LITAF: variants seen among roughly 807,000 people sequenced by gnomAD.
The protein encoded by LITAF is lipopolysaccharide-induced tumor necrosis factor-alpha factor.
Under a neutral mutation model 14.5 loss-of-function variants are expected in LITAF, and 9 were observed. The ratio of observed to expected loss-of-function variants is 0.62; its 90% CI spans 0.37 to 1.08. The LOEUF is 1.08. LITAF is among the 50% of genes least tolerant of loss of function. The probability of loss-of-function intolerance (pLI) is 0.01; values close to 1 mark genes in which losing one functional copy is unlikely to be tolerated. For synonymous variants in LITAF, 98 were observed against 88.2 expected, an observed-to-expected ratio of 1.11 and a Z score of -0.62; for missense variants, 206 against 213.4, an observed-to-expected ratio of 0.97 and a Z score of 0.22.
chr16:11,618,423 C>T (rs745516633), intron 3 of LITAF, among the ~76,000 whole-genome samples: 3 of 152,180 alleles, frequency 2.0e-5, no homozygotes, highest in Admixed American at 2.0e-4. Flanking sequence ...GGGAGCAGTC[C>T]TGTGGGACTG....
chr16:11,629,049 T>A (rs1332449418), intron 3 of LITAF: 2 of 152,362 alleles, frequency 1.3e-5, no homozygotes, highest in African/African-American at 4.8e-5. Flanking sequence ...CCTCAAGTAA[T>A]CCTCCCGCCT....
chr16:11,608,827 G>A (rs1284046556), intron 3 of LITAF, among the ~76,000 whole-genome samples: 1 of 152,176 alleles, frequency 6.6e-6, no homozygotes, highest in East Asian at 1.9e-4. Flanking sequence ...GCTGGGCATG[G>A]TGCCGCATGT....
chr16:11,616,359 C>A (rs149699507), intron 3 of LITAF, among the ~76,000 whole-genome samples: 58 of 152,026 alleles, frequency 3.8e-4, no homozygotes, highest in African/African-American at 1.4e-3. Flanking sequence ...TGACTGTGTT[C>A]CCAGCTACTC....
intron 1 of LITAF, among the ~76,000 whole-genome samples, chr16:11,562,213 G>GCC (rs2064378835): frequency 6.7e-6 from 1 of 148,972 alleles, no homozygotes; most frequent in Non-Finnish European, 1.5e-5. Flanking sequence ...GAGCCACCGT[G>GCC]CCCTGCCTCT....
In LITAF at chr16:11,553,310, C is replaced by T; in HGVS notation, c.377+223G>A. On this transcript the variant is annotated intron_variant, in intron 3 of 3. Coordinates refer to ENST00000622633, the MANE Select transcript of LITAF (RefSeq NM_001136472.2). The surrounding 1 kb of genome is among the most constrained non-coding windows in gnomAD (Gnocchi z 7.7). The stretch of plus-strand genomic sequence containing the variant: ...CCTATAATCCCAGCTACACGGGACG[C>T]TAAGGCAGGAGAATCGTTTGAACCT... The T allele has an allele frequency of 1.9e-6, 1 of 539,232 alleles. No homozygotes were observed. The highest frequency in any genetic ancestry group is 1.9e-5 in the South Asian group (1 of 51,324). 33.4% of individuals were successfully genotyped at this position (539,232 alleles called of 1,614,324 possible). A position where few individuals can be genotyped will look rare whatever the true frequency, so the allele number is the denominator to read the frequency against.
chr16:11,575,587 C>G (rs1159150955), intron 1 of LITAF: 1 of 152,232 alleles, frequency 6.6e-6, no homozygotes, highest in East Asian at 1.9e-4. Context: ...GATTCAACTC[C>G]TGCCAAGAAG....
At chr16:11,556,057 CA>C (rs1397986011) in intron 2 of LITAF, among the ~76,000 whole-genome samples, 13 of 152,174 alleles carry the variant, frequency 8.5e-5, no homozygotes, top group Admixed American at 2.6e-4. Flanking sequence ...TCTAGTTGCT[CA>C]AAAGCAGAAG....
chr16:11,598,875 A>C (rs1395150556), upstream of LITAF, among the ~76,000 whole-genome samples: 2 of 152,134 alleles, frequency 1.3e-5, no homozygotes, highest in Non-Finnish European at 2.9e-5. Context: ...GCTGGAGTGC[A>C]GTGGCGCAAT....
intron 3 of LITAF, among the ~76,000 whole-genome samples, chr16:11,623,057 G>C (rs187566017): frequency 1.3e-5 from 2 of 151,142 alleles, no homozygotes; most frequent in Non-Finnish European, 2.9e-5. Flanking sequence ...TCCGCCTCCT[G>C]GGTTCATGTC....
intron 3 of LITAF, among the ~76,000 whole-genome samples, chr16:11,620,390 C>T (rs1421000189): frequency 2.0e-5 from 3 of 152,030 alleles, no homozygotes; most frequent in South Asian, 4.1e-4. Flanking sequence ...CTCCTGTTTT[C>T]GCCGTGGGAC....
At chr16:11,570,716 A>G (rs544679385) in intron 1 of LITAF, among the ~76,000 whole-genome samples, 2 of 152,200 alleles carry the variant, frequency 1.3e-5, no homozygotes, top group Non-Finnish European at 2.9e-5. Context: ...GTTCGAGACC[A>G]GCCCTGGCCA....
upstream of LITAF, among the ~76,000 whole-genome samples, chr16:11,587,833 A>C (rs1394754731): frequency 6.6e-6 from 1 of 152,186 alleles, no homozygotes; most frequent in Non-Finnish European, 1.5e-5. Context: ...CCTGGCTTTC[A>C]GAGTACACAG....
chr16:11,615,004 C>T (rs1428598261), intron 3 of LITAF, among the ~76,000 whole-genome samples: 1 of 152,182 alleles, frequency 6.6e-6, no homozygotes, highest in East Asian at 1.9e-4. Flanking sequence ...CTCACAGCTG[C>T]TTCTCCAGCA....
chr16:11,569,400 C>G (rs951447240), intron 1 of LITAF, among the ~76,000 whole-genome samples: 5 of 152,118 alleles, frequency 3.3e-5, no homozygotes, highest in Admixed American at 2.6e-4. Context: ...GCCACCATGC[C>G]TGGCTAATTT....
At position 11,553,069 on chromosome 16, in the gene LITAF, C is replaced by A. The variant is rs756299433; in HGVS notation, c.377+464G>T. On this transcript the variant is annotated intron_variant, in intron 3 of 3. Transcript: ENST00000622633. This position sits in a 1 kb window ranked among gnomAD's most constrained non-coding sequence, Gnocchi z 7.7. ...GGCGGAGGTTGCAGTGAGCCGGGAT[C>A]GTGCTACTGCACTCCAGCCTGGGCA... Among the ~76,000 whole-genome samples, 56 of 152,120 alleles carry A rather than the reference C, an allele frequency of 3.7e-4. No homozygotes were observed. The highest frequency in any genetic ancestry group is 2.6e-3 in the Admixed American group (39 of 15,276).
intron 3 of LITAF, among the ~76,000 whole-genome samples, chr16:11,620,538 T>C (rs1308301388): frequency 6.6e-6 from 1 of 152,156 alleles, no homozygotes; most frequent in Non-Finnish European, 1.5e-5. Flanking sequence ...CTTTATAAAT[T>C]ACCCAGTCAC....
In LITAF at chr16:11,558,531, G is replaced by C. The variant is rs1464428716; in HGVS notation, c.-5-1796C>G. Among the ~76,000 whole-genome samples, 1 of 151,802 alleles carries C rather than the reference G, an allele frequency of 6.6e-6. No homozygotes were observed. Among genetic ancestry groups the C allele is most frequent in the African/African-American group, 2.4e-5 (1 of 41,302 alleles). The stretch of plus-strand genomic sequence containing the variant: ...ACCACCAGCCTGGGCAACATAGTGA[G>C]ACCCTGTCTCTACAACGAATAAAAA... On this transcript the variant is annotated intron_variant, in intron 1 of 3. Transcript: ENST00000622633. The surrounding 1 kb of genome is among the most constrained non-coding windows in gnomAD (Gnocchi z 4.1).
chr16:11,618,573 G>A (rs925346086), intron 3 of LITAF, among the ~76,000 whole-genome samples: 1 of 152,204 alleles, frequency 6.6e-6, no homozygotes, highest in African/African-American at 2.4e-5. Context: ...TGTGCGATGG[G>A]CTAATAGCAA....
At chr16:11,636,545 C>T (rs904630255), upstream of LITAF, among the ~76,000 whole-genome samples, 1 of 152,198 alleles carries the variant, frequency 6.6e-6, no homozygotes, top group African/African-American at 2.4e-5. Flanking sequence ...AAGCTGGCTG[C>T]CCCACCCTAA....
Sources: gnomAD v4.1 joint callset for allele counts (sites outside exome capture counted in the v4.1 genomes callset) on GRCh38, gnomAD v4.1.1 for gene constraint, Gnocchi (gnomAD v3.1) non-coding constraint, MANE v1.5 for transcripts, NCBI Gene and HGNC (gene_info 2026-07-23, HGNC 2026-07-21) for gene names.